Variants in CNTNAP2 observed in about 807,000 individuals in gnomAD.
The protein encoded by CNTNAP2 is contactin associated protein 2.
In CNTNAP2, 98 loss-of-function variants were observed where a neutral mutation model predicts 155.2. The ratio of observed to expected loss-of-function variants is 0.63; its 90% CI spans 0.54 to 0.75. CNTNAP2 has a LOEUF of 0.75. Ranked by LOEUF, CNTNAP2 falls within the 30% of genes least tolerant of loss-of-function variation. The pLI, the probability that CNTNAP2 is intolerant of heterozygous loss-of-function variation, is 0.00. For missense variants in CNTNAP2, 1,727 were observed against 1,688.1 expected, an observed-to-expected ratio of 1.02 and a Z score of -0.40; for synonymous variants, 651 against 631.2, an observed-to-expected ratio of 1.03 and a Z score of -0.47.
intron 1 of CNTNAP2, among the ~76,000 whole-genome samples, chr7:146,561,900 C>T (rs1459669507): frequency 2.0e-5 from 3 of 152,068 alleles, no homozygotes; most frequent in Non-Finnish European, 4.4e-5. Flanking sequence ...AAGTGATCCT[C>T]TCACTTCAGC....
chr7:147,074,078 C>A (rs376827159), intron 4 of CNTNAP2, among the ~76,000 whole-genome samples: 1 of 152,126 alleles, frequency 6.6e-6, no homozygotes, highest in Non-Finnish European at 1.5e-5. Flanking sequence ...TATTGCACTC[C>A]GTAGAATTTA....
At chr7:148,170,654 A>T (rs2189978) in intron 17 of CNTNAP2, among the ~76,000 whole-genome samples, 53,681 of 152,084 alleles carry the variant, frequency 0.35, 10,098 homozygotes, top group African/African-American at 0.47. Flanking sequence ...AAAACCAATG[A>T]GTCACCCAGT....
At chr7:148,096,405 C>T (rs1376951030) in intron 15 of CNTNAP2, among the ~76,000 whole-genome samples, 3 of 151,912 alleles carry the variant, frequency 2.0e-5, no homozygotes, top group African/African-American at 4.8e-5. Flanking sequence ...AAAGTACCCC[C>T]ATTTTGTGTT....
At chr7:148,025,412 C>T (rs1224789226) in intron 15 of CNTNAP2, among the ~76,000 whole-genome samples, 3 of 152,178 alleles carry the variant, frequency 2.0e-5, no homozygotes, top group Admixed American at 6.5e-5. Context: ...TCTGCAGCAC[C>T]CATTCCCCAT....
At chr7:147,283,468 G>A (rs1805097664) in intron 8 of CNTNAP2, among the ~76,000 whole-genome samples, 1 of 151,680 alleles carries the variant, frequency 6.6e-6, no homozygotes, top group Non-Finnish European at 1.5e-5. Context: ...GCAATACGCA[G>A]CAAGTAGCTA....
At chr7:146,405,578 A>G (rs1795779530) in intron 1 of CNTNAP2, among the ~76,000 whole-genome samples, 1 of 152,366 alleles carries the variant, frequency 6.6e-6, no homozygotes, top group Non-Finnish European at 1.5e-5. Flanking sequence ...CTGAATTTCT[A>G]GAATTATACG....
chr7:146,437,867 A>G lies in CNTNAP2; in HGVS notation c.97+320894A>G, dbSNP rs1433463259. Among the ~76,000 whole-genome samples the G allele has an allele frequency of 2.2e-5, 3 of 138,248 alleles. No individual in the cohort carries two copies. In the Admixed American group the frequency reaches 2.2e-4, roughly 10 times the overall value. 90.7% of individuals were successfully genotyped at this position (138,248 alleles called of 152,430 possible). On this transcript the variant is annotated intron_variant, in intron 1 of 23. Transcript: ENST00000361727. ...CTAAGACACTGGAAAACTCATGTGC[A>G]ATTCCCCAATCTCGTTTTTTTTTTT... is the stretch of plus-strand genomic sequence containing the variant.
intron 10 of CNTNAP2, among the ~76,000 whole-genome samples, chr7:147,431,810 T>C (rs1231442766): frequency 6.6e-6 from 1 of 152,250 alleles, no homozygotes; most frequent in Non-Finnish European, 1.5e-5. Context: ...CCCTGCTAAT[T>C]TCCTTTTCTA....
intron 13 of CNTNAP2, among the ~76,000 whole-genome samples, chr7:147,902,106 C>T (rs1000452829): frequency 6.6e-6 from 1 of 152,134 alleles, no homozygotes; most frequent in African/African-American, 2.4e-5. Flanking sequence ...AGTTCATGGC[C>T]CATACACCTT....
chr7:147,325,056 C>A (rs142007799), intron 9 of CNTNAP2, among the ~76,000 whole-genome samples: 2,766 of 152,236 alleles, frequency 0.018, 42 homozygotes, highest in Middle Eastern at 0.027. Flanking sequence ...GTAATCCCAG[C>A]ACTTTGGAGG....
chr7:147,194,309 A>C (rs2116531671), intron 8 of CNTNAP2, among the ~76,000 whole-genome samples: 1 of 152,156 alleles, frequency 6.6e-6, no homozygotes, highest in East Asian at 1.9e-4. Context: ...TATGTACCAC[A>C]TTTTCTTTAT....
chr7:147,801,800 G>A (rs182842314), intron 13 of CNTNAP2, among the ~76,000 whole-genome samples: 2,347 of 152,034 alleles, frequency 0.015, 71 homozygotes, highest in African/African-American at 0.054. Flanking sequence ...CCACAAAACC[G>A]CCATTGTCAT....
At chr7:147,629,350 T>C (rs1199972010) in intron 12 of CNTNAP2, among the ~76,000 whole-genome samples, 1 of 151,192 alleles carries the variant, frequency 6.6e-6, no homozygotes, top group Non-Finnish European at 1.5e-5. Context: ...TTGCAGTGAG[T>C]TGAGATTGCA....
At chr7:147,051,184 GTATA>G (rs10567949) in intron 4 of CNTNAP2, among the ~76,000 whole-genome samples, 9,563 of 98,418 alleles carry the variant, frequency 0.097, 809 homozygotes, top group African/African-American at 0.34. Context: ...ACATATATAT[GTATA>G]TATATATATA....
intron 1 of CNTNAP2, chr7:146,117,249 G>A: frequency 2.1e-6 from 1 of 468,422 alleles, no homozygotes; most frequent in Non-Finnish European, 3.9e-6. Flanking sequence ...GACTGATGTA[G>A]ATGGCAGCTT....
In CNTNAP2 at chr7:148,317,552, A is replaced by T. The variant is rs1158611306; in HGVS notation, c.3475+50426A>T. 3.9e-5 allele frequency among the ~76,000 whole-genome samples: 6 copies of T among 152,262 alleles called. No individual in the cohort carries two copies. The East Asian group carries it at 1.2e-3, about 29-fold the overall frequency. On this transcript the variant is annotated intron_variant, in intron 21 of 23. Transcript: ENST00000361727. ...GTCTCCAAAAAAATATTTTTAATTA[A>T]AAAAGGACCAGTCTTATTAAAGTAA...
At chr7:148,193,722 C>G (rs1795234100) in intron 18 of CNTNAP2, among the ~76,000 whole-genome samples, 1 of 152,072 alleles carries the variant, frequency 6.6e-6, no homozygotes, top group African/African-American at 2.4e-5. Context: ...CTTATCTGAC[C>G]TTACCTCTGG....
intron 15 of CNTNAP2, among the ~76,000 whole-genome samples, chr7:148,030,634 C>T (rs1404486430): frequency 1.3e-5 from 2 of 148,334 alleles, no homozygotes; most frequent in East Asian, 4.0e-4. Context: ...TTACAAAAAA[C>T]ATGATTGTTT....
intron 1 of CNTNAP2, among the ~76,000 whole-genome samples, chr7:146,343,422 C>A (rs775276477): frequency 6.6e-6 from 1 of 152,014 alleles, no homozygotes; most frequent in Non-Finnish European, 1.5e-5. Flanking sequence ...ATATGTTTGA[C>A]TCATCTGATA....
Sources: allele counts gnomAD v4.1 joint callset (sites outside exome capture counted in the v4.1 genomes callset), GRCh38; gene constraint gnomAD v4.1.1; transcripts MANE v1.5; gene names NCBI Gene and HGNC (gene_info 2026-07-23, HGNC 2026-07-21).